The following POLR3F variants were observed in gnomAD, a reference collection of about 807,000 sequenced individuals.
POLR3F encodes DNA-directed RNA polymerase III subunit RPC6.
POLR3F carries 31 observed loss-of-function variants against 43.6 expected under a neutral mutation model. The observed-to-expected ratio is 0.71, with a 90% confidence interval of 0.53 to 0.96. The LOEUF (loss-of-function observed/expected upper bound fraction) is 0.96. POLR3F is among the 40% of genes least tolerant of loss of function. The pLI is 0.00. For missense variants in POLR3F, 316 were observed against 391.7 expected (o/e 0.81, Z 1.63); for synonymous variants, 114 against 132.5 (o/e 0.86, Z 0.96).
rs1229462493 is a variant in POLR3F at position 18,483,627 on chromosome 20, G to C, written c.*69G>C. The C allele has an allele frequency of 4.7e-6, 3 of 638,700 alleles. No individual in the cohort carries two copies. The highest frequency in any genetic ancestry group is 8.1e-6 in the Non-Finnish European group (3 of 369,832). The allele number at this position is 638,700 out of a possible 1,614,324, so 39.6% of individuals were successfully genotyped here. ...TTAGGGAGCAGATAATTTAATTCAT[G>C]ATGGAACACGAAATCTCCTTGAAAG... On this transcript the variant is annotated 3_prime_UTR_variant, in exon 9 of 9. Coordinates refer to ENST00000377603, the MANE Select transcript of POLR3F (RefSeq NM_006466.4).
chr20:18,470,009 G>A (rs1051761292), intron 2 of POLR3F, among the ~76,000 whole-genome samples: 19 of 152,168 alleles, frequency 1.2e-4, no homozygotes, highest in African/African-American at 3.9e-4. Flanking sequence ...TTAGCCCCCA[G>A]TGACATTGCA....
intron 5 of POLR3F, 57 bp downstream of exon 5, chr20:18,475,244 T>C: frequency 1.4e-6 from 1 of 706,140 alleles, no homozygotes; most frequent in Non-Finnish European, 2.5e-6. Context: ...GTTTTTATTC[T>C]TGAAGTTATG....
In POLR3F at chr20:18,467,545, G is replaced by A. The variant is rs1133696; in HGVS notation, c.39G>A (p.Ala13=). 1.2e-6 allele frequency: 2 copies of A among 1,614,136 alleles called. No individual in the cohort carries two copies. The highest frequency in any genetic ancestry group is 3.3e-5 in the Admixed American group (2 of 60,014). ...AGGTGAAGGTGCAGCCGCCTGACGCGGATCCGGTCGAAATAGAAAACAGGT... is the reference window on the plus strand; with the variant it reads ...AGGTGAAGGTGCAGCCGCCTGACGCAGATCCGGTCGAAATAGAAAACAGGT... The part of the protein sequence containing the change: ...EVKVKVQPPD[A]DPVEIENRII... Residue 13 remains alanine, a synonymous_variant, in exon 1 of 9, where the codon GCG becomes GCA. Transcript: ENST00000377603.
Position 18,484,175 on chromosome 20 carries a change from A to G in POLR3F, c.*617A>G, listed in dbSNP as rs1426122342. ...TGCTACCATACTTACTTCAAACCCA[A>G]TGACTACTGTCAAGGACATATTTTC... On this transcript the variant is annotated 3_prime_UTR_variant, in exon 9 of 9. Transcript: ENST00000377603. 3 of 398,416 alleles carry G rather than the reference A, an allele frequency of 7.5e-6. No homozygotes were observed. The highest frequency in any genetic ancestry group is 1.3e-5 in the Non-Finnish European group (3 of 226,046). 24.7% of individuals were successfully genotyped at this position (398,416 alleles called of 1,614,324 possible).
intron 2 of POLR3F, among the ~76,000 whole-genome samples, chr20:18,471,301 C>G (rs2059748946): frequency 6.6e-6 from 1 of 152,188 alleles, no homozygotes; most frequent in Non-Finnish European, 1.5e-5. Flanking sequence ...TTATTCTTTA[C>G]AGATGACTAA....
rs113243239 is a variant in POLR3F, at chr20:18,483,943, T to G, written c.*385T>G. ...TTAAAGTTATTTATTAAGTTCTTCA[T>G]TGGAAGTTTTTTTTTATATCTGGTT... On this transcript the variant is annotated 3_prime_UTR_variant, in exon 9 of 9. Coordinates refer to ENST00000377603, the MANE Select transcript of POLR3F (RefSeq NM_006466.4). The G allele has an allele frequency of 4.4e-3, 1,740 of 396,784 alleles. 30 individuals are homozygous for G. The highest frequency in any genetic ancestry group is 0.025 in the Admixed American group (561 of 22,690). The allele number at this position is 396,784 out of a possible 1,614,324, so 24.6% of individuals were successfully genotyped here.
chr20:18,474,774 G>A (rs992502819), intron 4 of POLR3F, among the ~76,000 whole-genome samples: 1 of 152,050 alleles, frequency 6.6e-6, no homozygotes, highest in African/African-American at 2.4e-5. Flanking sequence ...CACCTGCCTC[G>A]GCCTCCCTAA....
intron 7 of POLR3F, 121 bp from the exon 8 acceptor site, chr20:18,481,498 C>CA (rs2059809229): frequency 4.4e-6 from 3 of 685,292 alleles, no homozygotes; most frequent in Non-Finnish European, 7.6e-6. Flanking sequence ...CTCGGCTTCC[C>CA]AAAGTGCTGG....
In POLR3F at chr20:18,475,099, A is replaced by G. The variant is rs781279198; in HGVS notation, c.341A>G (p.Tyr114Cys). Reference protein sequence around the residue: ...NKGIWSRDIRYKSNLPLTEIN... With the variant: ...NKGIWSRDIRCKSNLPLTEIN... ...GGAATATGGAGCAGAGATATCCGCTATAAAAGTAATTTGCCATTAACAGAA... is the reference window on the plus strand; with the variant it reads ...GGAATATGGAGCAGAGATATCCGCTGTAAAAGTAATTTGCCATTAACAGAA... Residue 114 changes from tyrosine (Y) to cysteine (C), a missense_variant, in exon 5 of 9, where the codon TAT (tyrosine) becomes TGT (cysteine). Physicochemically the swap from Tyr to Cys is radical, Grantham distance 194. Transcript: ENST00000377603. The G allele has an allele frequency of 2.0e-6, 3 of 1,476,486 alleles. No homozygotes were observed. Among genetic ancestry groups the G allele is most frequent in the South Asian group, 1.1e-5 (1 of 87,490 alleles). The allele number at this position is 1,476,486 out of a possible 1,614,324, so 91.5% of individuals were successfully genotyped here. A position where few individuals can be genotyped will look rare whatever the true frequency, so the allele number is the denominator to read the frequency against.
At chr20:18,482,283 C>T (rs1306338535) in intron 8 of POLR3F, among the ~76,000 whole-genome samples, 1 of 151,982 alleles carries the variant, frequency 6.6e-6, no homozygotes, top group Non-Finnish European at 1.5e-5. Flanking sequence ...TGTACCTGGC[C>T]CCCTGCTTTA....
chr20:18,469,305 G>A, intron 2 of POLR3F: 2 of 415,474 alleles, frequency 4.8e-6, no homozygotes, highest in South Asian at 3.3e-5. Flanking sequence ...ATCCATTCAG[G>A]GCCTAAATAG....
chr20:18,475,073 A>G lies in POLR3F; in HGVS notation c.317-2A>G, dbSNP rs201734188. On this transcript the variant is annotated splice_acceptor_variant, in intron 4 of 8. Coordinates refer to ENST00000377603, the MANE Select transcript of POLR3F (RefSeq NM_006466.4). LOFTEE classifies it high-confidence loss of function. ...AACTTATTTTACTTTACTTTCTTATAGGAATATGGAGCAGAGATATCCGCT... is the reference window on the plus strand; with the variant it reads ...AACTTATTTTACTTTACTTTCTTATGGGAATATGGAGCAGAGATATCCGCT... The G allele has an allele frequency of 2.2e-4, 271 of 1,212,058 alleles. No homozygotes were observed. Among genetic ancestry groups the G allele is most frequent in the Non-Finnish European group, 6.0e-5 (50 of 830,336 alleles). The allele number at this position is 1,212,058 out of a possible 1,614,324, so 75.1% of individuals were successfully genotyped here.
intron 5 of POLR3F, among the ~76,000 whole-genome samples, chr20:18,476,280 A>C (rs1415627761): frequency 6.6e-6 from 1 of 152,312 alleles, no homozygotes; most frequent in South Asian, 2.1e-4. Context: ...AGGCCCTAAA[A>C]ACGAATAATT....
At position 18,481,599 on chromosome 20, in the gene POLR3F, C is replaced by A; in HGVS notation, c.682-20C>A. The A allele has an allele frequency of 3.3e-6, 5 of 1,535,904 alleles. No homozygotes were observed. Among genetic ancestry groups the A allele is most frequent in the Non-Finnish European group, 4.5e-6 (5 of 1,109,160 alleles). On this transcript the variant is annotated intron_variant, in intron 7 of 8. Coordinates refer to ENST00000377603, the MANE Select transcript of POLR3F (RefSeq NM_006466.4). Reference sequence around the variant, plus strand: ...TCTCCCTATCCTACTTGTGTCCTTTCTGATGTATCCCTTTTTTAGGTAGAG... The same window carrying A: ...TCTCCCTATCCTACTTGTGTCCTTTATGATGTATCCCTTTTTTAGGTAGAG...
Position 18,475,091 on chromosome 20 carries a change from T to G in POLR3F, c.333T>G (p.Asp111Glu). Residue 111 changes from aspartate to glutamate, a missense_variant, in exon 5 of 9, where the codon GAT becomes GAG. Around this residue, in one of 3 missense-constraint regions of POLR3F, gnomAD observed 109 missense variants for 177.7 expected, o/e 0.61. Coordinates refer to ENST00000377603, the MANE Select transcript of POLR3F (RefSeq NM_006466.4). ...DAGNKGIWSR[D>E]IRYKSNLPLT... is the part of the protein sequence containing the mutation. ...TTCTTATAGGAATATGGAGCAGAGA[T>G]ATCCGCTATAAAAGTAATTTGCCAT... The G allele has an allele frequency of 3.5e-6, 5 of 1,421,280 alleles. No homozygotes were observed. The South Asian group carries it at 5.8e-5, about 17-fold the overall frequency. The allele number at this position is 1,421,280 out of a possible 1,614,324, so 88.0% of individuals were successfully genotyped here.
At chr20:18,475,295 T>G in intron 5 of POLR3F, 108 bp downstream of exon 5, 1 of 546,146 alleles carries the variant, frequency 1.8e-6, no homozygotes, top group South Asian at 2.2e-5. Flanking sequence ...CTTAAAAATT[T>G]AGCTCATGTT....
rs1246747788 is a variant in POLR3F at position 18,481,705 on chromosome 20, A to G, written c.768A>G (p.Lys256=). 12 of 1,612,810 alleles carry G rather than the reference A, an allele frequency of 7.4e-6. No individual in the cohort carries two copies. Among genetic ancestry groups the G allele is most frequent in the Non-Finnish European group, 8.5e-6 (10 of 1,178,738 alleles). ...TGGAGATGACGATTATTGCTGCAAA[A>G]GAAGGCACAGTTGGCAGTGTAGATG... is the stretch of plus-strand genomic sequence containing the variant. The part of the protein sequence containing the change: ...GKVEMTIIAA[K]EGTVGSVDGH... Residue 256 remains lysine, a synonymous_variant, in exon 8 of 9, where the codon AAA becomes AAG. Transcript: ENST00000377603.
chr20:18,474,777 C>T (rs2059771488), intron 4 of POLR3F, among the ~76,000 whole-genome samples: 5 of 152,168 alleles, frequency 3.3e-5, no homozygotes, highest in Admixed American at 3.3e-4. Flanking sequence ...CTGCCTCGGC[C>T]TCCCTAAGTG....
chr20:18,483,252 AC>A (rs2059819990), intron 8 of POLR3F, among the ~76,000 whole-genome samples: 1 of 152,082 alleles, frequency 6.6e-6, no homozygotes, highest in South Asian at 2.1e-4. Context: ...CTTAGTAGAG[AC>A]GGGGTTTCAC....
Sources: allele counts gnomAD v4.1 joint callset (sites outside exome capture counted in the v4.1 genomes callset), GRCh38; gene constraint gnomAD v4.1.1; regional missense constraint gnomAD v4.1.1; transcripts MANE v1.5; gene names NCBI Gene and HGNC (gene_info 2026-07-23, HGNC 2026-07-21).